The following RAB6B variants were observed in gnomAD, a reference collection of about 807,000 sequenced individuals.
The protein encoded by RAB6B is ras-related protein Rab-6B.
In RAB6B, 7 loss-of-function variants were observed where a neutral mutation model predicts 31.2. The ratio of observed to expected loss-of-function variants is 0.22; its 90% CI spans 0.13 to 0.42. The LOEUF is 0.42. RAB6B is among the 10% of genes least tolerant of loss of function. The probability of loss-of-function intolerance (pLI) is 1.00; values close to 1 mark genes in which losing one functional copy is unlikely to be tolerated. For missense variants in RAB6B, 149 were observed against 280.6 expected, an observed-to-expected ratio of 0.53 and a Z score of 3.35; for synonymous variants, 105 against 104.9, an observed-to-expected ratio of 1.00 and a Z score of -0.01.
At position 133,827,757 on chromosome 3, in the gene RAB6B, C is replaced by CT. The variant is rs1238591493; in HGVS notation, c.*1030_*1031insA. 1.9e-5 allele frequency: 2 copies of CT among 106,034 alleles called. No homozygotes were observed. The highest frequency in any genetic ancestry group is 4.9e-5 in the Non-Finnish European group (2 of 40,554). 6.6% of individuals were successfully genotyped at this position (106,034 alleles called of 1,614,324 possible). On this transcript the variant is annotated 3_prime_UTR_variant, in exon 8 of 8. Coordinates refer to ENST00000285208, the MANE Select transcript of RAB6B (RefSeq NM_016577.4). ...GTTCTGCAGACAACACCCCCCCCCC[C>CT]CCCCGCCTCCCCATCACAGAGGATC... is the stretch of plus-strand genomic sequence containing the variant.
At chr3:133,882,640 T>C (rs546097724) in intron 1 of RAB6B, among the ~76,000 whole-genome samples, 2 of 152,330 alleles carry the variant, frequency 1.3e-5, no homozygotes, top group South Asian at 4.1e-4. Flanking sequence ...GGCATCTGCA[T>C]GCTGCTCTAT....
intron 5 of RAB6B, among the ~76,000 whole-genome samples, chr3:133,839,282 GC>G (rs1413630447): frequency 1.3e-5 from 2 of 152,224 alleles, no homozygotes; most frequent in African/African-American, 4.8e-5. Flanking sequence ...ACGGAGAAGT[GC>G]CCCGCCCCTG....
At chr3:133,832,399 T>G (rs1303679199) in intron 7 of RAB6B, among the ~76,000 whole-genome samples, 1 of 152,052 alleles carries the variant, frequency 6.6e-6, no homozygotes, top group East Asian at 1.9e-4. Flanking sequence ...CATCTAGACC[T>G]GCAAGCAGCA....
intron 7 of RAB6B, among the ~76,000 whole-genome samples, chr3:133,830,953 A>T (rs536423516): frequency 6.6e-6 from 1 of 152,366 alleles, no homozygotes; most frequent in East Asian, 1.9e-4. Flanking sequence ...AAACGTCTGA[A>T]GACATTGCCA....
At chr3:133,877,498 T>C (rs1936412807) in intron 1 of RAB6B, among the ~76,000 whole-genome samples, 1 of 152,110 alleles carries the variant, frequency 6.6e-6, no homozygotes, top group African/African-American at 2.4e-5. Flanking sequence ...TAATTAGCCA[T>C]ACACTGAGCC....
chr3:133,844,876 G>A (rs1157969619), intron 2 of RAB6B, among the ~76,000 whole-genome samples: 1 of 151,738 alleles, frequency 6.6e-6, no homozygotes, highest in Non-Finnish European at 1.5e-5. Context: ...TGGTGGGGCT[G>A]AGGATGCAGT....
chr3:133,895,851 G>C lies in RAB6B; in HGVS notation c.-385C>G. On this transcript the variant is annotated 5_prime_UTR_variant, in exon 1 of 8. Coordinates refer to ENST00000285208, the MANE Select transcript of RAB6B (RefSeq NM_016577.4). ...GAGCCGCGCCAGTCGGCCCCCTCCC[G>C]CCTGCCTCCTCCGCCGGCGCCTGCG... 5.0e-6 allele frequency: 1 copy of C among 198,740 alleles called. No homozygotes were observed. The highest frequency in any genetic ancestry group is 1.1e-4 in the East Asian group (1 of 8,718). The allele number at this position is 198,740 out of a possible 1,614,324, so 12.3% of individuals were successfully genotyped here. A position where few individuals can be genotyped will look rare whatever the true frequency, so the allele number is the denominator to read the frequency against.
Position 133,895,485 on chromosome 3 carries a change from C to A in RAB6B, c.-19G>T. On this transcript the variant is annotated 5_prime_UTR_variant, in exon 1 of 8. Coordinates refer to ENST00000285208, the MANE Select transcript of RAB6B (RefSeq NM_016577.4). ...CGGACATGGTGCTGGCAGCCGGGGC[C>A]GGGAGAGGAGGAGGAGGAAAAAGCG... 2 of 1,610,028 alleles carry A rather than the reference C, an allele frequency of 1.2e-6. No individual in the cohort carries two copies. The highest frequency in any genetic ancestry group is 1.7e-6 in the Non-Finnish European group (2 of 1,177,926).
At chr3:133,892,386 G>C (rs1294794832) in intron 1 of RAB6B, among the ~76,000 whole-genome samples, 1 of 152,144 alleles carries the variant, frequency 6.6e-6, no homozygotes, top group Non-Finnish European at 1.5e-5. Flanking sequence ...CAGGAGGGGG[G>C]CTCTTTCACT....
chr3:133,875,135 T>TA (rs1302622749), intron 1 of RAB6B, among the ~76,000 whole-genome samples: 1 of 152,256 alleles, frequency 6.6e-6, no homozygotes, highest in Non-Finnish European at 1.5e-5. Flanking sequence ...AGCTCCATTA[T>TA]AATCTTATGG....
At chr3:133,847,365 G>C (rs550205077) in intron 2 of RAB6B, among the ~76,000 whole-genome samples, 2 of 152,194 alleles carry the variant, frequency 1.3e-5, no homozygotes, top group Non-Finnish European at 2.9e-5. Flanking sequence ...CAGGCTCTAA[G>C]TATTCGTTAT....
rs116553394 is a variant in RAB6B, at chr3:133,864,232, G to A, written c.129+352C>T. 9.8e-3 allele frequency among the ~76,000 whole-genome samples: 1,494 copies of A among 152,010 alleles called. 23 individuals carry two copies. The highest frequency in any genetic ancestry group is 0.033 in the African/African-American group (1,383 of 41,344). ...TAACCATTACAACCATGCATGAGGCGCAAGTTCGCCTAACACTCTCATTTT... is the reference window on the plus strand; with the variant it reads ...TAACCATTACAACCATGCATGAGGCACAAGTTCGCCTAACACTCTCATTTT... On this transcript the variant is annotated intron_variant, in intron 2 of 7. Transcript: ENST00000285208.
At chr3:133,884,481 T>C (rs1936510989) in intron 1 of RAB6B, among the ~76,000 whole-genome samples, 1 of 152,244 alleles carries the variant, frequency 6.6e-6, no homozygotes, top group African/African-American at 2.4e-5. Flanking sequence ...CACTCCCTTC[T>C]ACAATGCTGC....
intron 2 of RAB6B, among the ~76,000 whole-genome samples, chr3:133,842,404 G>T (rs891071043): frequency 2.0e-5 from 3 of 152,246 alleles, no homozygotes; most frequent in African/African-American, 7.2e-5. Flanking sequence ...GGGCCTCACA[G>T]GCACCCGGTA....
chr3:133,855,775 T>C (rs1212608993), intron 2 of RAB6B, among the ~76,000 whole-genome samples: 3 of 152,212 alleles, frequency 2.0e-5, no homozygotes, highest in Non-Finnish European at 4.4e-5. Context: ...ATTCCACTTA[T>C]TAAATGTATC....
intron 2 of RAB6B, among the ~76,000 whole-genome samples, chr3:133,859,338 A>G (rs1936126743): frequency 6.6e-6 from 1 of 152,164 alleles, no homozygotes; most frequent in South Asian, 2.1e-4. Flanking sequence ...ATGGAAAATT[A>G]CACCAAGAAA....
chr3:133,841,500 C>T, intron 3 of RAB6B, 110 bp from the exon 4 acceptor site: 14 of 1,534,060 alleles, frequency 9.1e-6, no homozygotes, highest in Non-Finnish European at 1.3e-5. Flanking sequence ...ATCACCAGCT[C>T]CAGCCCCTAG....
chr3:133,872,234 C>T (rs1338571453), intron 1 of RAB6B, among the ~76,000 whole-genome samples: 1 of 152,244 alleles, frequency 6.6e-6, no homozygotes, highest in African/African-American at 2.4e-5. Context: ...AGCAGAGACC[C>T]GCTGACTCAG....
chr3:133,824,867 G>C lies in RAB6B; in HGVS notation c.*3921C>G, dbSNP rs558789042. On this transcript the variant is annotated 3_prime_UTR_variant, in exon 8 of 8. Coordinates refer to ENST00000285208, the MANE Select transcript of RAB6B (RefSeq NM_016577.4). ...ATGGAGTCACATTTGTTCACACACA[G>C]GGCAGCAATGGATGAAAAATGGAAA... 1 of 152,234 alleles carries C rather than the reference G, an allele frequency of 6.6e-6. No individual in the cohort carries two copies. Among genetic ancestry groups the C allele is most frequent in the Admixed American group, 6.5e-5 (1 of 15,302 alleles). 9.4% of individuals were successfully genotyped at this position (152,234 alleles called of 1,614,324 possible). A position where few individuals can be genotyped will look rare whatever the true frequency, so the allele number is the denominator to read the frequency against.
Sources: allele counts gnomAD v4.1 joint callset (sites outside exome capture counted in the v4.1 genomes callset), GRCh38; gene constraint gnomAD v4.1.1; transcripts MANE v1.5; gene names NCBI Gene and HGNC (gene_info 2026-07-23, HGNC 2026-07-21).